Variants in AK1 observed in about 807,000 individuals in gnomAD.
AK1 encodes the protein adenylate kinase 1, also known as adenylate kinase isoenzyme 1.
A neutral mutation model predicts 23.9 loss-of-function variants in AK1; 13 were observed. That is an observed-to-expected ratio of 0.54 (90% CI 0.35 to 0.86). The LOEUF (loss-of-function observed/expected upper bound fraction) is 0.86, where lower values mean the gene tolerates loss of function less well. Ranked by LOEUF, AK1 falls within the 40% of genes least tolerant of loss-of-function variation. The pLI, the probability that AK1 is intolerant of heterozygous loss-of-function variation, is 0.01. For missense variants in AK1, 214 were observed against 255.1 expected, an observed-to-expected ratio of 0.84 and a Z score of 1.10; for synonymous variants, 97 against 102.8, an observed-to-expected ratio of 0.94 and a Z score of 0.34.
chr9:127,873,592 G>A, intron 2 of AK1: 1 of 1,423,272 alleles, frequency 7.0e-7, no homozygotes, highest in East Asian at 2.6e-5. Flanking sequence ...GTGGAGGGCT[G>A]TGGTGGGCAT....
Position 127,877,465 on chromosome 9 carries a change from G to A in AK1, c.-33+158C>T, listed in dbSNP as rs904251484. Among the ~76,000 whole-genome samples, 2 of 152,122 alleles carry A rather than the reference G, an allele frequency of 1.3e-5. No homozygotes were observed. The highest frequency in any genetic ancestry group is 6.5e-5 in the Admixed American group (1 of 15,272). Reference sequence around the variant, plus strand: ...AGCGAGGCACAGATCCCCAGCGCCCGGGGAACACAGCCACGCAAACACACA... The same window carrying A: ...AGCGAGGCACAGATCCCCAGCGCCCAGGGAACACAGCCACGCAAACACACA... On this transcript the variant is annotated intron_variant, in intron 1 of 6. Coordinates refer to ENST00000644144, the MANE Select transcript of AK1 (RefSeq NM_000476.3). This position sits in a 1 kb window ranked among gnomAD's most constrained non-coding sequence, Gnocchi z 5.2.
intron 5 of AK1, among the ~76,000 whole-genome samples, chr9:127,869,258 C>T (rs1342134542): frequency 6.6e-6 from 1 of 152,202 alleles, no homozygotes; most frequent in Non-Finnish European, 1.5e-5. Flanking sequence ...GCAGAGCCAC[C>T]CCAGAGTCAC....
Position 127,869,083 on chromosome 9 carries a change from G to A in AK1, c.325-571C>T, listed in dbSNP as rs186149610. On this transcript the variant is annotated intron_variant, in intron 5 of 6. Coordinates refer to ENST00000644144, the MANE Select transcript of AK1 (RefSeq NM_000476.3). ...GACAAAGGAACAAGGGATGAGGGAA[G>A]GGGTGAGGGGCTGCTGAGTCCTGGG... Among the ~76,000 whole-genome samples the A allele has an allele frequency of 2.6e-3, 397 of 152,328 alleles. 1 individual carries two copies. Among genetic ancestry groups the A allele is most frequent in the Non-Finnish European group, 4.3e-3 (292 of 68,030 alleles).
At position 127,868,555 on chromosome 9, in the gene AK1, CT is replaced by C. The variant is rs1173021383; in HGVS notation, c.325-44del. The C allele has an allele frequency of 6.5e-7, 1 of 1,544,834 alleles. No individual in the cohort carries two copies. The highest frequency in any genetic ancestry group is 1.4e-5 in the African/African-American group (1 of 72,966). On this transcript the variant is annotated intron_variant, in intron 5 of 6. Transcript: ENST00000644144. The surrounding 1 kb of genome is among the most constrained non-coding windows in gnomAD (Gnocchi z 4.1). ...GTCACAGGGACCCCATTCCTGCCCC[CT>C]AGGGCCATCTCCTCCCCATCTTCCC...
intron 2 of AK1, chr9:127,873,511 C>T: frequency 6.9e-7 from 1 of 1,446,736 alleles, no homozygotes; most frequent in Non-Finnish European, 9.1e-7. Context: ...TGGGCCGGCC[C>T]ATCACCCGCC....
Position 127,867,954 on chromosome 9 carries a change from G to C in AK1, c.*54C>G, listed in dbSNP as rs4226. On this transcript the variant is annotated 3_prime_UTR_variant, in exon 7 of 7. Coordinates refer to ENST00000644144, the MANE Select transcript of AK1 (RefSeq NM_000476.3). ...GCTGCGCTCAGGCCAGGAGGACCTC[G>C]AATCAGGACGGGGTGGGGCGGGGCT... The C allele has an allele frequency of 1.2e-5, 19 of 1,579,950 alleles. No homozygotes were observed. Among genetic ancestry groups the C allele is most frequent in the African/African-American group, 2.7e-5 (2 of 74,126 alleles).
chr9:127,874,063 A>C (rs1385673885), intron 2 of AK1: 8 of 985,336 alleles, frequency 8.1e-6, no homozygotes, highest in Non-Finnish European at 9.6e-6. Flanking sequence ...CAGCAGCAGC[A>C]GGCCCGCTGG....
intron 2 of AK1, 29 bp from the exon 3 acceptor site, chr9:127,873,090 C>T (rs1564473576): frequency 1.2e-6 from 2 of 1,609,264 alleles, no homozygotes; most frequent in Non-Finnish European, 1.7e-6. Flanking sequence ...GAGCAGGGCT[C>T]AGTCACTCGC....
Position 127,867,606 on chromosome 9 carries a change from T to C in AK1, c.*402A>G, listed in dbSNP as rs1299865721. 7.3e-6 allele frequency: 2 copies of C among 272,626 alleles called. No individual in the cohort carries two copies. The highest frequency in any genetic ancestry group is 4.7e-5 in the Admixed American group (1 of 21,360). 16.9% of individuals were successfully genotyped at this position (272,626 alleles called of 1,614,324 possible). The stretch of plus-strand genomic sequence containing the variant: ...AGCCCAGGCTGGGACCGGTTCTGCC[T>C]GAACATGAGCCCCTCGGAGCAGGGG... On this transcript the variant is annotated 3_prime_UTR_variant, in exon 7 of 7. Transcript: ENST00000644144.
rs10987765 is a variant in AK1 at position 127,868,919 on chromosome 9, C to T, written c.325-407G>A. On this transcript the variant is annotated intron_variant, in intron 5 of 6. Transcript: ENST00000644144. This position sits in a 1 kb window ranked among gnomAD's most constrained non-coding sequence, Gnocchi z 4.1. ...GAAGCTCACTTCCTCAGGGCAGTCT[C>T]TCTGATGCCACCCCCCGCCCCCCAG... Among the ~76,000 whole-genome samples, 55,635 of 151,792 alleles carry T rather than the reference C, an allele frequency of 0.37. 10,415 individuals are homozygous for T. The highest frequency in any genetic ancestry group is 0.39 in the South Asian group (1,871 of 4,820).
chr9:127,876,711 T>C (rs1438998763), intron 1 of AK1, among the ~76,000 whole-genome samples: 1 of 104,514 alleles, frequency 9.6e-6, no homozygotes, highest in East Asian at 3.2e-4. Flanking sequence ...TGATGGCACC[T>C]GCCACTTCCT....
Position 127,867,633 on chromosome 9 carries a change from C to T in AK1, c.*375G>A. ...AACATGAGCCCCTCGGAGCAGGGGCCCCGCCACTCAGCGCCGGGTCCTCAG... is the reference window on the plus strand; with the variant it reads ...AACATGAGCCCCTCGGAGCAGGGGCTCCGCCACTCAGCGCCGGGTCCTCAG... On this transcript the variant is annotated 3_prime_UTR_variant, in exon 7 of 7. Transcript: ENST00000644144. 6.8e-6 allele frequency: 2 copies of T among 293,882 alleles called. No homozygotes were observed. The highest frequency in any genetic ancestry group is 7.1e-5 in the South Asian group (2 of 28,156). 18.2% of individuals were successfully genotyped at this position (293,882 alleles called of 1,614,324 possible).
chr9:127,879,575 ATCACGCC>A (rs1829604008), upstream of AK1: 1 of 144,602 alleles, frequency 6.9e-6, no homozygotes, highest in South Asian at 2.3e-4. Context: ...GTGAGCCGAG[ATCACGCC>A]ATTGCACTCC....
Position 127,868,233 on chromosome 9 carries a change from G to C in AK1, c.516+88C>G. On this transcript the variant is annotated intron_variant, in intron 6 of 6. Transcript: ENST00000644144. This position sits in a 1 kb window ranked among gnomAD's most constrained non-coding sequence, Gnocchi z 4.1. ...GGGGAAACCAAGGCCCAGAGAGAGG[G>C]GCTGGCCTGAGGCCACACAGTGAGC... is the stretch of plus-strand genomic sequence containing the variant. The C allele has an allele frequency of 6.8e-7, 1 of 1,470,338 alleles. No homozygotes were observed. The highest frequency in any genetic ancestry group is 9.3e-7 in the Non-Finnish European group (1 of 1,074,232). 91.1% of individuals were successfully genotyped at this position (1,470,338 alleles called of 1,614,324 possible).
At chr9:127,870,860 C>T (rs1399963266) in intron 5 of AK1, among the ~76,000 whole-genome samples, 2 of 151,190 alleles carry the variant, frequency 1.3e-5, no homozygotes, top group Non-Finnish European at 2.9e-5. Context: ...TCTTATCCTG[C>T]CCCAGCCCAC....
In AK1 at chr9:127,877,118, C is replaced by T. The variant is rs1442723094; in HGVS notation, c.-33+505G>A. On this transcript the variant is annotated intron_variant, in intron 1 of 6. Coordinates refer to ENST00000644144, the MANE Select transcript of AK1 (RefSeq NM_000476.3). This position sits in a 1 kb window ranked among gnomAD's most constrained non-coding sequence, Gnocchi z 5.2. ...GCCACTGAGCAGTGCTGTGGGAAGG[C>T]CCCAAGCGCTGGCCCTGGTCAGGAG... Among the ~76,000 whole-genome samples the T allele has an allele frequency of 6.6e-6, 1 of 152,164 alleles. No homozygotes were observed. The highest frequency in any genetic ancestry group is 2.4e-5 in the African/African-American group (1 of 41,432).
chr9:127,868,404 T>C lies in AK1; in HGVS notation c.433A>G (p.Thr145Ala). ...TAGGTCTCCAGCCGCTTTTTGATGG[T>C]CTCCTCATTGTCGTCCACACGCCCG... ...TSGRVDDNEE[T>A]IKKRLETYYK... Residue 145 changes from threonine to alanine, a missense_variant, in exon 6 of 7, where the codon ACC (threonine) becomes GCC (alanine). Transcript: ENST00000644144. The surrounding 1 kb of genome is among the most constrained non-coding windows in gnomAD (Gnocchi z 4.1). The C allele has an allele frequency of 6.2e-7, 1 of 1,612,636 alleles. No individual in the cohort carries two copies. The highest frequency in any genetic ancestry group is 8.5e-7 in the Non-Finnish European group (1 of 1,179,486).
In AK1 at chr9:127,877,650, G is replaced by C. The variant is rs945728349; in HGVS notation, c.-60C>G. On this transcript the variant is annotated 5_prime_UTR_variant, in exon 1 of 7. Coordinates refer to ENST00000644144, the MANE Select transcript of AK1 (RefSeq NM_000476.3). This position sits in a 1 kb window ranked among gnomAD's most constrained non-coding sequence, Gnocchi z 5.2. ...GGGGAGGGGTGCGGGTGGGCGCCGGGGCCAGTGCGTGCCCTGCCCGTCCTC... is the reference window on the plus strand; with the variant it reads ...GGGGAGGGGTGCGGGTGGGCGCCGGCGCCAGTGCGTGCCCTGCCCGTCCTC... 1 of 152,188 alleles carries C rather than the reference G, an allele frequency of 6.6e-6. No homozygotes were observed. The highest frequency in any genetic ancestry group is 6.5e-5 in the Admixed American group (1 of 15,274). The allele number at this position is 152,188 out of a possible 1,614,324, so 9.4% of individuals were successfully genotyped here.
intron 1 of AK1, among the ~76,000 whole-genome samples, chr9:127,876,407 G>A (rs992860744): frequency 1.3e-5 from 2 of 152,234 alleles, no homozygotes; most frequent in Admixed American, 6.5e-5. Context: ...GGACAGACTG[G>A]TTCGAGGGCC....
Sources: gnomAD v4.1 joint callset for allele counts (sites outside exome capture counted in the v4.1 genomes callset) on GRCh38, gnomAD v4.1.1 for gene constraint, Gnocchi (gnomAD v3.1) non-coding constraint, MANE v1.5 for transcripts, NCBI Gene and HGNC (gene_info 2026-07-23, HGNC 2026-07-21) for gene names.